FMNL2: variants seen among roughly 807,000 people sequenced by gnomAD.
FMNL2 encodes the protein formin-like protein 2.
A neutral mutation model predicts 130.2 loss-of-function variants in FMNL2; 51 were observed. The observed-to-expected ratio is 0.39, with a 90% CI of 0.31 to 0.49. The LOEUF (loss-of-function observed/expected upper bound fraction) is 0.49, where lower values mean the gene tolerates loss of function less well. FMNL2 is among the 20% of genes least tolerant of loss of function. FMNL2 has a pLI of 0.85. For missense variants in FMNL2, 977 were observed against 1,316.2 expected (o/e 0.74, Z 3.99); for synonymous variants, 465 against 467.1 (o/e 1.00, Z 0.06).
At chr2:152,557,149 C>G (rs1291949127) in intron 4 of FMNL2, among the ~76,000 whole-genome samples, 1 of 151,964 alleles carries the variant, frequency 6.6e-6, no homozygotes, top group African/African-American at 2.4e-5. Context: ...CTCCTGAGAC[C>G]TAGCACCACA....
intron 9 of FMNL2, among the ~76,000 whole-genome samples, chr2:152,606,137 T>A (rs756664183): frequency 6.6e-6 from 1 of 152,204 alleles, no homozygotes; most frequent in Non-Finnish European, 1.5e-5. Context: ...ATTAAATGGC[T>A]GCATTATGAA....
intron 1 of FMNL2, among the ~76,000 whole-genome samples, chr2:152,493,370 C>A (rs1691320139): frequency 6.6e-6 from 1 of 152,206 alleles, no homozygotes; most frequent in African/African-American, 2.4e-5. Flanking sequence ...ATTCAAATCT[C>A]AAATGTCCTA....
chr2:152,413,308 T>C (rs1280758293), intron 1 of FMNL2, among the ~76,000 whole-genome samples: 1 of 152,158 alleles, frequency 6.6e-6, no homozygotes, highest in East Asian at 1.9e-4. Context: ...AATTGTGCTA[T>C]TTTTCATTGC....
Position 152,629,836 on chromosome 2 carries a change from C to T in FMNL2, c.2481C>T (p.Ala827=). 1 of 1,612,994 alleles carries T rather than the reference C, an allele frequency of 6.2e-7. No individual in the cohort carries two copies. Among genetic ancestry groups the T allele is most frequent in the South Asian group, 1.1e-5 (1 of 90,806 alleles). Residue 827 remains alanine, a synonymous_variant, in exon 20 of 26, where the codon GCC becomes GCT. Transcript: ENST00000288670. ...ACCTTCTTTTGCAGATCATCTTAGC[C>T]CTTGGAAACTACATGAATAGCAGTA... ...KLKKILEIIL[A]LGNYMNSSKR...
At chr2:152,375,904 A>C (rs1203429634) in intron 1 of FMNL2, among the ~76,000 whole-genome samples, 1 of 92,040 alleles carries the variant, frequency 1.1e-5, no homozygotes, top group Non-Finnish European at 2.1e-5. Flanking sequence ...TATAATTATT[A>C]TTATTTTTTG....
At chr2:152,412,492 AT>A (rs1191094024) in intron 1 of FMNL2, among the ~76,000 whole-genome samples, 21 of 98,936 alleles carry the variant, frequency 2.1e-4, no homozygotes, top group African/African-American at 1.0e-3. Flanking sequence ...ATATATATAT[AT>A]ATATATATAA....
rs76751361 is a variant in FMNL2, at chr2:152,648,290, T to C, written c.*385T>C. ...AATGCATCTGCTGTGGGTCCTTTGC[T>C]GAGATGTCTTCGAAGGAATTTTGTT... On this transcript the variant is annotated 3_prime_UTR_variant, in exon 26 of 26. Transcript: ENST00000288670. 4.3e-3 allele frequency: 734 copies of C among 170,852 alleles called. 7 individuals are homozygous for C. Among genetic ancestry groups the C allele is most frequent in the Non-Finnish European group, 5.4e-3 (436 of 80,086 alleles). 10.6% of individuals were successfully genotyped at this position (170,852 alleles called of 1,614,324 possible). A position where few individuals can be genotyped will look rare whatever the true frequency, so the allele number is the denominator to read the frequency against.
chr2:152,638,604 T>C (rs1682820451), intron 23 of FMNL2, among the ~76,000 whole-genome samples: 1 of 152,248 alleles, frequency 6.6e-6, no homozygotes. Context: ...TGGCTTAATG[T>C]AGCAGTAGAG....
chr2:152,364,259 GT>G lies in FMNL2; in HGVS notation c.117+28540del, dbSNP rs1475479537. ...GTTTCACATCCGTTAGGAGGTTTGTGTGTTTTTTTTTTTTTTTTTTTTTTTT... is the reference window on the plus strand; with the variant it reads ...GTTTCACATCCGTTAGGAGGTTTGTGGTTTTTTTTTTTTTTTTTTTTTTTT... On this transcript the variant is annotated intron_variant, in intron 1 of 25. Transcript: ENST00000288670. Among the ~76,000 whole-genome samples the G allele has an allele frequency of 2.3e-3, 232 of 100,766 alleles. 4 individuals carry two copies. The highest frequency in any genetic ancestry group is 1.0e-2 in the African/African-American group (224 of 22,506). 66.1% of individuals were successfully genotyped at this position (100,766 alleles called of 152,430 possible). A position where few individuals can be genotyped will look rare whatever the true frequency, so the allele number is the denominator to read the frequency against.
intron 1 of FMNL2, among the ~76,000 whole-genome samples, chr2:152,356,670 C>T (rs535217863): frequency 2.8e-4 from 43 of 151,476 alleles, no homozygotes; most frequent in Non-Finnish European, 4.9e-4. Context: ...TTTTTTGTTT[C>T]AGCATGCATA....
intron 25 of FMNL2, 93 bp downstream of exon 25, chr2:152,641,007 G>A (rs1440933344): frequency 6.5e-7 from 1 of 1,545,340 alleles, no homozygotes; most frequent in East Asian, 2.3e-5. Context: ...TTTTGTCCAG[G>A]GTTGTCAAGT....
intron 9 of FMNL2, among the ~76,000 whole-genome samples, chr2:152,581,808 G>A (rs1025211242): frequency 6.6e-6 from 1 of 152,184 alleles, no homozygotes; most frequent in Non-Finnish European, 1.5e-5. Context: ...GAGAACAGGT[G>A]GAAGCCCAGG....
intron 12 of FMNL2, 30 bp from the exon 13 acceptor site, chr2:152,617,061 T>C: frequency 1.3e-6 from 2 of 1,597,442 alleles, no homozygotes; most frequent in Non-Finnish European, 1.7e-6. Flanking sequence ...GATCCTGTAT[T>C]GTGACAGCTT....
intron 1 of FMNL2, among the ~76,000 whole-genome samples, chr2:152,501,394 C>T (rs1691825602): frequency 6.6e-6 from 1 of 152,190 alleles, no homozygotes; most frequent in African/African-American, 2.4e-5. Flanking sequence ...TCTGACTCTT[C>T]TAAAAGACAT....
At chr2:152,587,677 C>A (rs1381064643) in intron 9 of FMNL2, among the ~76,000 whole-genome samples, 1 of 152,116 alleles carries the variant, frequency 6.6e-6, no homozygotes, top group Admixed American at 6.5e-5. Flanking sequence ...TATTTCTTTA[C>A]CATTAGTGTC....
chr2:152,610,763 T>C (rs1475276895), intron 10 of FMNL2, among the ~76,000 whole-genome samples: 1 of 152,248 alleles, frequency 6.6e-6, no homozygotes, highest in East Asian at 1.9e-4. Flanking sequence ...GTAAAGATTT[T>C]TATGTGGACG....
At chr2:152,606,749 A>G (rs1215217845) in intron 9 of FMNL2, among the ~76,000 whole-genome samples, 8 of 150,374 alleles carry the variant, frequency 5.3e-5, no homozygotes, top group Non-Finnish European at 1.5e-5. Context: ...GAAAACATTA[A>G]TTAGCTGAAT....
At chr2:152,431,613 A>G (rs1009669705) in intron 1 of FMNL2, among the ~76,000 whole-genome samples, 1 of 152,224 alleles carries the variant, frequency 6.6e-6, no homozygotes, top group Non-Finnish European at 1.5e-5. Context: ...GTGTTGTTAC[A>G]TAAAACTTGG....
chr2:152,533,524 T>A (rs1040279298), intron 2 of FMNL2, among the ~76,000 whole-genome samples: 3 of 149,110 alleles, frequency 2.0e-5, no homozygotes, highest in Non-Finnish European at 4.4e-5. Context: ...TGTCTTGAAA[T>A]CAGGTAGTGT....
Sources: allele counts gnomAD v4.1 joint callset (sites outside exome capture counted in the v4.1 genomes callset), GRCh38; gene constraint gnomAD v4.1.1; transcripts MANE v1.5; gene names NCBI Gene and HGNC (gene_info 2026-07-23, HGNC 2026-07-21).